The following HS2ST1 variants were observed in gnomAD, a reference collection of about 807,000 sequenced individuals.
The protein encoded by HS2ST1 is heparan sulfate 2-O-sulfotransferase 1, also known as 2-O-sulfotransferase.
In HS2ST1, 18 loss-of-function variants were observed where a neutral mutation model predicts 42.9. The observed-to-expected ratio is 0.42, with a 90% CI of 0.29 to 0.62. HS2ST1 has a LOEUF of 0.62. Ranked by LOEUF, HS2ST1 falls within the 20% of genes least tolerant of loss-of-function variation. HS2ST1 has a pLI of 0.21. For missense variants in HS2ST1, 334 were observed against 433.8 expected, an observed-to-expected ratio of 0.77 and a Z score of 2.04; for synonymous variants, 146 against 152.9, an observed-to-expected ratio of 0.95 and a Z score of 0.33.
intron 1 of HS2ST1, among the ~76,000 whole-genome samples, chr1:87,034,047 G>A (rs1047014519): frequency 6.6e-6 from 1 of 152,146 alleles, no homozygotes; most frequent in African/African-American, 2.4e-5. Context: ...TGCAAATATT[G>A]AGGATTATTA....
At chr1:86,919,288 T>C (rs542315344) in intron 1 of HS2ST1, among the ~76,000 whole-genome samples, 35 of 152,288 alleles carry the variant, frequency 2.3e-4, no homozygotes, top group African/African-American at 8.2e-4. Context: ...TTCTTGACTT[T>C]ATGGTGTGTT....
At chr1:86,934,497 A>G (rs1221739212) in intron 1 of HS2ST1, 1 of 152,206 alleles carries the variant, frequency 6.6e-6, no homozygotes, top group Non-Finnish European at 1.5e-5. Context: ...TCCTATGGAT[A>G]CTGGCTCCAG....
At chr1:86,917,604 C>T (rs572114347) in intron 1 of HS2ST1, among the ~76,000 whole-genome samples, 1 of 152,160 alleles carries the variant, frequency 6.6e-6, no homozygotes, top group South Asian at 2.1e-4. Flanking sequence ...TTGCCCAAGA[C>T]CACATCGCAT....
chr1:87,052,635 C>T (rs1016139804), intron 1 of HS2ST1, among the ~76,000 whole-genome samples: 3 of 152,034 alleles, frequency 2.0e-5, no homozygotes, highest in African/African-American at 7.2e-5. Flanking sequence ...TGGTTGGTGG[C>T]GAGCAGTGAG....
chr1:86,923,443 C>A (rs1369930685), intron 1 of HS2ST1, among the ~76,000 whole-genome samples: 9 of 151,088 alleles, frequency 6.0e-5, no homozygotes, highest in Non-Finnish European at 2.9e-5. Flanking sequence ...GTCACCCAGG[C>A]TGGAGTGCAG....
In HS2ST1 at chr1:87,108,024, CTG is replaced by C. The variant is rs1376210125; in HGVS notation, c.*3330_*3331del. 1.3e-5 allele frequency: 2 copies of C among 152,024 alleles called. No individual in the cohort carries two copies. Among genetic ancestry groups the C allele is most frequent in the African/African-American group, 4.8e-5 (2 of 41,406 alleles). The allele number at this position is 152,024 out of a possible 1,614,324, so 9.4% of individuals were successfully genotyped here. On this transcript the variant is annotated 3_prime_UTR_variant, in exon 7 of 7. Transcript: ENST00000370550. ...TTAAAATTTGGTTAATGCCTATAATCTGTTGCTTTTTCTCAATATGTGTCCTA... is the reference window on the plus strand; with the variant it reads ...TTAAAATTTGGTTAATGCCTATAATCTTGCTTTTTCTCAATATGTGTCCTA...
chr1:86,927,443 A>G (rs1426560812), intron 1 of HS2ST1, among the ~76,000 whole-genome samples: 1 of 152,084 alleles, frequency 6.6e-6, no homozygotes, highest in African/African-American at 2.4e-5. Flanking sequence ...TGGTGAATTG[A>G]TTTGCTGCTT....
At chr1:87,081,127 C>T (rs1651675885) in intron 2 of HS2ST1, among the ~76,000 whole-genome samples, 2 of 152,062 alleles carry the variant, frequency 1.3e-5, no homozygotes, top group African/African-American at 2.4e-5. Context: ...ACTTGAAGAC[C>T]CTTCTTTCAG....
intron 1 of HS2ST1, among the ~76,000 whole-genome samples, chr1:87,057,685 A>C (rs1415801855): frequency 6.6e-6 from 1 of 151,256 alleles, no homozygotes; most frequent in Non-Finnish European, 1.5e-5. Context: ...CCCCATCTCT[A>C]CTAAAAATAC....
At chr1:86,984,430 C>G (rs932954860) in intron 1 of HS2ST1, among the ~76,000 whole-genome samples, 1 of 152,122 alleles carries the variant, frequency 6.6e-6, no homozygotes, top group Non-Finnish European at 1.5e-5. Flanking sequence ...GAAGCAATCC[C>G]TGCATTGAAG....
chr1:87,012,257 G>A (rs891809608), intron 1 of HS2ST1, among the ~76,000 whole-genome samples: 1 of 152,124 alleles, frequency 6.6e-6, no homozygotes, highest in Non-Finnish European at 1.5e-5. Flanking sequence ...CCCGAGACTG[G>A]TAATTTATAA....
intron 1 of HS2ST1, among the ~76,000 whole-genome samples, chr1:86,939,881 G>A (rs1660727497): frequency 6.6e-6 from 1 of 152,168 alleles, no homozygotes; most frequent in African/African-American, 2.4e-5. Flanking sequence ...AGACCAAAAA[G>A]CTCAGCAATT....
chr1:86,984,510 A>C (rs899306190), intron 1 of HS2ST1, among the ~76,000 whole-genome samples: 1 of 152,222 alleles, frequency 6.6e-6, no homozygotes, highest in Non-Finnish European at 1.5e-5. Context: ...AGGAAGGAAA[A>C]GTAGATATTA....
chr1:86,916,822 G>A (rs1035480359), intron 1 of HS2ST1, among the ~76,000 whole-genome samples: 1 of 151,948 alleles, frequency 6.6e-6, no homozygotes, highest in South Asian at 2.1e-4. Context: ...CTTATTTTTT[G>A]TTTTGTTACT....
chr1:87,075,161 C>CTTTTTT (rs34812948), intron 2 of HS2ST1, among the ~76,000 whole-genome samples: 33 of 48,592 alleles, frequency 6.8e-4, no homozygotes, highest in African/African-American at 8.9e-4. Context: ...TCTCAGCTAC[C>CTTTTTT]TTTTTTTTTT....
intron 1 of HS2ST1, among the ~76,000 whole-genome samples, chr1:86,916,114 G>T (rs1301122551): frequency 6.6e-6 from 1 of 152,182 alleles, no homozygotes; most frequent in Non-Finnish European, 1.5e-5. Flanking sequence ...GGTACTTTCG[G>T]ATTAATAGGG....
At chr1:86,962,847 C>T (rs1005941038) in intron 1 of HS2ST1, among the ~76,000 whole-genome samples, 42 of 152,164 alleles carry the variant, frequency 2.8e-4, no homozygotes, top group African/African-American at 9.6e-4. Flanking sequence ...CCCAAGCATT[C>T]TCTAAAAGAT....
chr1:86,932,891 G>A (rs1660573097), intron 1 of HS2ST1, among the ~76,000 whole-genome samples: 1 of 152,076 alleles, frequency 6.6e-6, no homozygotes, highest in African/African-American at 2.4e-5. Context: ...GTTACCTTGA[G>A]GAAGTTATAC....
At chr1:86,942,431 A>G (rs531860297) in intron 1 of HS2ST1, among the ~76,000 whole-genome samples, 1 of 152,192 alleles carries the variant, frequency 6.6e-6, no homozygotes, top group Non-Finnish European at 1.5e-5. Flanking sequence ...CTTCTGTTCT[A>G]TTTGGTTTAG....
Sources: gnomAD v4.1 joint callset for allele counts (sites outside exome capture counted in the v4.1 genomes callset) on GRCh38, gnomAD v4.1.1 for gene constraint, MANE v1.5 for transcripts, NCBI Gene and HGNC (gene_info 2026-07-23, HGNC 2026-07-21) for gene names.